STXBP5L: variants seen among roughly 807,000 people sequenced by gnomAD.
STXBP5L encodes the protein syntaxin binding protein 5L.
Under a neutral mutation model 144.5 loss-of-function variants are expected in STXBP5L, and 65 were observed. The observed-to-expected ratio is 0.45, with a 90% CI of 0.37 to 0.55. The LOEUF is 0.55. Among genes scored for constraint, STXBP5L ranks in the 20% least tolerant of loss-of-function variants. The pLI is 0.00. For synonymous variants in STXBP5L, 505 were observed against 469.6 expected (o/e 1.08, Z -0.97); for missense variants, 1,298 against 1,405.5 (o/e 0.92, Z 1.22).
intron 3 of STXBP5L, among the ~76,000 whole-genome samples, chr3:121,004,786 T>C (rs1450311398): frequency 6.6e-6 from 1 of 152,222 alleles, no homozygotes; most frequent in African/African-American, 2.4e-5. Flanking sequence ...GTCAAAGGCC[T>C]TTTATGCATC....
intron 3 of STXBP5L, among the ~76,000 whole-genome samples, chr3:120,979,121 T>G (rs1243069013): frequency 6.6e-6 from 1 of 152,170 alleles, no homozygotes; most frequent in East Asian, 1.9e-4. Flanking sequence ...ACTGCTGTCT[T>G]TTTGTTTGTC....
At chr3:121,025,901 A>G (rs1191723824) in intron 3 of STXBP5L, among the ~76,000 whole-genome samples, 10 of 146,050 alleles carry the variant, frequency 6.8e-5, no homozygotes, top group African/African-American at 2.5e-4. Flanking sequence ...TAATATATAA[A>G]TTATATAAAT....
intron 5 of STXBP5L, among the ~76,000 whole-genome samples, chr3:121,048,615 C>T (rs936608700): frequency 3.4e-4 from 51 of 151,660 alleles, no homozygotes; most frequent in Non-Finnish European, 6.8e-4. Context: ...TTGGTCTATT[C>T]TTCTGTTAAT....
intron 3 of STXBP5L, among the ~76,000 whole-genome samples, chr3:120,986,674 A>T (rs1433461801): frequency 6.6e-6 from 1 of 151,986 alleles, no homozygotes; most frequent in Non-Finnish European, 1.5e-5. Flanking sequence ...TTCTGATAAC[A>T]TGTTGAAAAA....
chr3:120,941,596 G>A (rs1442849474), intron 2 of STXBP5L, among the ~76,000 whole-genome samples: 1 of 151,406 alleles, frequency 6.6e-6, no homozygotes, highest in Non-Finnish European at 1.5e-5. Flanking sequence ...TTCTAGATAA[G>A]GAATTTATTT....
At chr3:121,005,632 A>G (rs1365243430) in intron 3 of STXBP5L, among the ~76,000 whole-genome samples, 1 of 151,618 alleles carries the variant, frequency 6.6e-6, no homozygotes, top group Non-Finnish European at 1.5e-5. Context: ...TAGTTCTTTT[A>G]ATTGTGATGT....
At chr3:120,980,454 G>A (rs1211289871) in intron 3 of STXBP5L, among the ~76,000 whole-genome samples, 1 of 118,156 alleles carries the variant, frequency 8.5e-6, no homozygotes, top group African/African-American at 3.4e-5. Context: ...ACCATATAAT[G>A]TCCTGCTTTT....
At chr3:121,200,115 G>A (rs1002917603) in intron 9 of STXBP5L, among the ~76,000 whole-genome samples, 1 of 152,104 alleles carries the variant, frequency 6.6e-6, no homozygotes, top group East Asian at 1.9e-4. Context: ...TCCGTTCTTG[G>A]ACTTTTTTGG....
intron 2 of STXBP5L, among the ~76,000 whole-genome samples, chr3:120,951,267 C>T (rs1469396847): frequency 1.3e-5 from 2 of 152,046 alleles, no homozygotes; most frequent in Non-Finnish European, 2.9e-5. Context: ...TCTAAAACAC[C>T]AAAAGCAATG....
chr3:121,062,692 G>T (rs577046277), intron 5 of STXBP5L, among the ~76,000 whole-genome samples: 1 of 152,242 alleles, frequency 6.6e-6, no homozygotes, highest in African/African-American at 2.4e-5. Context: ...ATTTCTTGGA[G>T]GTTTTGTTCA....
At chr3:121,222,243 G>C (rs2048996167) in intron 10 of STXBP5L, among the ~76,000 whole-genome samples, 2 of 152,048 alleles carry the variant, frequency 1.3e-5, no homozygotes, top group African/African-American at 4.8e-5. Flanking sequence ...ATGAAAAACT[G>C]TGAAATGACT....
intron 5 of STXBP5L, among the ~76,000 whole-genome samples, chr3:121,109,982 T>G (rs1228187300): frequency 6.6e-6 from 1 of 152,234 alleles, no homozygotes; most frequent in East Asian, 1.9e-4. Flanking sequence ...TTGTCTTTTT[T>G]GATCTTTGTT....
At chr3:121,317,432 C>T (rs1453391631) in intron 19 of STXBP5L, among the ~76,000 whole-genome samples, 2 of 152,144 alleles carry the variant, frequency 1.3e-5, no homozygotes, top group South Asian at 4.1e-4. Flanking sequence ...TGTCACAAGG[C>T]ACCTTTTGGT....
At chr3:121,271,182 A>G (rs973690049) in intron 18 of STXBP5L, among the ~76,000 whole-genome samples, 2 of 152,198 alleles carry the variant, frequency 1.3e-5, no homozygotes, top group African/African-American at 4.8e-5. Flanking sequence ...CCTATCCTAT[A>G]TAAACATTTA....
At chr3:121,173,325 T>TAATAAC (rs768188664) in intron 9 of STXBP5L, among the ~76,000 whole-genome samples, 5,243 of 35,010 alleles carry the variant, frequency 0.15, 148 homozygotes, top group Middle Eastern at 0.27. Flanking sequence ...ACTTAAAATA[T>TAATAAC]AATAATAATA....
intron 5 of STXBP5L, among the ~76,000 whole-genome samples, chr3:121,097,189 T>G (rs937737173): frequency 5.9e-5 from 9 of 152,024 alleles, no homozygotes; most frequent in African/African-American, 1.9e-4. Flanking sequence ...CACACCAAGC[T>G]CAATTGTCCC....
chr3:121,261,766 CT>C (rs1045736789), intron 18 of STXBP5L, among the ~76,000 whole-genome samples: 3 of 152,148 alleles, frequency 2.0e-5, no homozygotes, highest in Non-Finnish European at 4.4e-5. Flanking sequence ...AGGAATTTTT[CT>C]TAATCTGATA....
rs146519666 is a variant in STXBP5L at position 120,982,573 on chromosome 3, G to A, written c.287+27536G>A. 2.7e-3 allele frequency among the ~76,000 whole-genome samples: 409 copies of A among 152,310 alleles called. 1 individual carries two copies. Among genetic ancestry groups the A allele is most frequent in the African/African-American group, 9.2e-3 (381 of 41,574 alleles). ...CCAGGCCACAGTGTAACTGAGGGCT[G>A]CAGAAAATTCCTGTCCTATGGCTCT... On this transcript the variant is annotated intron_variant, in intron 3 of 26. Transcript: ENST00000471454.
At chr3:121,090,114 T>A (rs907690221) in intron 5 of STXBP5L, among the ~76,000 whole-genome samples, 2 of 152,202 alleles carry the variant, frequency 1.3e-5, no homozygotes, top group African/African-American at 4.8e-5. Context: ...TTTCCTATTA[T>A]AATAAGTGAT....
Sources: allele counts gnomAD v4.1 joint callset (sites outside exome capture counted in the v4.1 genomes callset), GRCh38; gene constraint gnomAD v4.1.1; transcripts MANE v1.5; gene names NCBI Gene and HGNC (gene_info 2026-07-23, HGNC 2026-07-21).